The following PDZRN4 variants were observed in gnomAD, a reference collection of about 807,000 sequenced individuals.
PDZRN4 encodes PDZ domain containing ring finger 4.
PDZRN4 carries 70 observed loss-of-function variants against 99.0 expected under a neutral mutation model. The ratio of observed to expected loss-of-function variants is 0.71; its 90% CI spans 0.58 to 0.86. The LOEUF (loss-of-function observed/expected upper bound fraction) is 0.86. Ranked by LOEUF, PDZRN4 falls within the 40% of genes least tolerant of loss-of-function variation. The probability of loss-of-function intolerance (pLI) is 0.00; values close to 1 mark genes in which losing one functional copy is unlikely to be tolerated. For missense variants in PDZRN4, 1,474 were observed against 1,331.2 expected (o/e 1.11, Z -1.67); for synonymous variants, 551 against 501.6 (o/e 1.10, Z -1.32).
intron 3 of PDZRN4, among the ~76,000 whole-genome samples, chr12:41,448,727 A>T (rs1426824073): frequency 1.3e-5 from 2 of 152,174 alleles, no homozygotes; most frequent in African/African-American, 4.8e-5. Context: ...CTTGATTTCG[A>T]AAATGCCACC....
At chr12:41,274,654 G>A (rs141364579) in intron 3 of PDZRN4, among the ~76,000 whole-genome samples, 1 of 152,230 alleles carries the variant, frequency 6.6e-6, no homozygotes, top group Non-Finnish European at 1.5e-5. Flanking sequence ...CCATGGTGGA[G>A]AGCAGATCTC....
At chr12:41,207,501 T>C (rs1950859545) in intron 3 of PDZRN4, among the ~76,000 whole-genome samples, 2 of 151,856 alleles carry the variant, frequency 1.3e-5, no homozygotes, top group African/African-American at 4.8e-5. Context: ...TGTGGGGTCA[T>C]GAACTGCCAA....
intron 3 of PDZRN4, among the ~76,000 whole-genome samples, chr12:41,292,663 G>T (rs1244107874): frequency 1.3e-5 from 2 of 151,272 alleles, no homozygotes; most frequent in Non-Finnish European, 1.5e-5. Flanking sequence ...GGTAGCATGA[G>T]ACTTCTTTTT....
At chr12:41,556,993 A>G (rs1434986692) in intron 7 of PDZRN4, among the ~76,000 whole-genome samples, 1 of 151,958 alleles carries the variant, frequency 6.6e-6, no homozygotes, top group African/African-American at 2.4e-5. Flanking sequence ...CTACTAAACA[A>G]TACAAAAACT....
chr12:41,569,267 A>G (rs1231795876), intron 9 of PDZRN4, among the ~76,000 whole-genome samples: 1 of 152,082 alleles, frequency 6.6e-6, no homozygotes, highest in African/African-American at 2.4e-5. Flanking sequence ...CTATAAGTGC[A>G]CGCCATCATG....
chr12:41,424,330 T>A (rs1273872657), intron 3 of PDZRN4, among the ~76,000 whole-genome samples: 4 of 152,180 alleles, frequency 2.6e-5, no homozygotes, highest in African/African-American at 9.6e-5. Context: ...TATAAAGCTT[T>A]CCTTATGTTG....
intron 3 of PDZRN4, among the ~76,000 whole-genome samples, chr12:41,370,526 A>G (rs888754438): frequency 6.6e-6 from 1 of 151,930 alleles, no homozygotes; most frequent in African/African-American, 2.4e-5. Flanking sequence ...TTACAGTTAT[A>G]CAGCACTATG....
intron 3 of PDZRN4, among the ~76,000 whole-genome samples, chr12:41,212,069 G>A (rs1950892030): frequency 6.6e-6 from 1 of 151,880 alleles, no homozygotes; most frequent in Non-Finnish European, 1.5e-5. Context: ...GTACCTGTCA[G>A]CCTAATGGTG....
intron 7 of PDZRN4, among the ~76,000 whole-genome samples, chr12:41,557,905 C>A (rs1404426851): frequency 6.6e-6 from 1 of 152,098 alleles, no homozygotes; most frequent in Non-Finnish European, 1.5e-5. Context: ...AAGACATAGT[C>A]TTGTTGACCA....
intron 3 of PDZRN4, among the ~76,000 whole-genome samples, chr12:41,293,333 A>G (rs1443268265): frequency 6.6e-6 from 1 of 150,896 alleles, no homozygotes; most frequent in Non-Finnish European, 1.5e-5. Flanking sequence ...GTAGCATCGT[A>G]TCTGCCATAG....
intron 3 of PDZRN4, among the ~76,000 whole-genome samples, chr12:41,306,157 C>A (rs936135129): frequency 1.3e-5 from 2 of 152,176 alleles, no homozygotes; most frequent in Non-Finnish European, 2.9e-5. Context: ...TCCAGGCCCA[C>A]TAGGGTGGCA....
At chr12:41,556,391 T>TAC (rs894183222) in intron 7 of PDZRN4, among the ~76,000 whole-genome samples, 6 of 152,252 alleles carry the variant, frequency 3.9e-5, no homozygotes, top group African/African-American at 1.4e-4. Flanking sequence ...TACAGCCTAC[T>TAC]ACACACACAC....
intron 5 of PDZRN4, among the ~76,000 whole-genome samples, chr12:41,534,396 A>T (rs949456800): frequency 2.0e-5 from 3 of 152,138 alleles, no homozygotes; most frequent in Non-Finnish European, 2.9e-5. Context: ...ATACCTAGGT[A>T]TTAAGCCCAG....
At chr12:41,406,332 T>C (rs1297401380) in intron 3 of PDZRN4, among the ~76,000 whole-genome samples, 1 of 151,998 alleles carries the variant, frequency 6.6e-6, no homozygotes, top group African/African-American at 2.4e-5. Flanking sequence ...TAAAACAGTT[T>C]GGTTGAAAAC....
At chr12:41,535,685 T>G (rs1173591837) in intron 5 of PDZRN4, among the ~76,000 whole-genome samples, 1 of 152,122 alleles carries the variant, frequency 6.6e-6, no homozygotes, top group Non-Finnish European at 1.5e-5. Flanking sequence ...GCTCTTACCA[T>G]GGGAGTGGGT....
At chr12:41,524,902 G>A (rs1938546319) in intron 5 of PDZRN4, among the ~76,000 whole-genome samples, 1 of 152,120 alleles carries the variant, frequency 6.6e-6, no homozygotes. Context: ...GAAGGGAAGA[G>A]AAGCCAGTGA....
rs1394672079 is a variant in PDZRN4 at position 41,563,547 on chromosome 12, G to T, written c.1366-1G>T. 2 of 1,609,312 alleles carry T rather than the reference G, an allele frequency of 1.2e-6. No individual in the cohort carries two copies. Among genetic ancestry groups the T allele is most frequent in the Non-Finnish European group, 1.7e-6 (2 of 1,175,934 alleles). ...ATGTGCCACTCTCATTTGTTTTCTA[G>T]ATAAATGGGGAAGATGTCCAGAATC... On this transcript the variant is annotated splice_acceptor_variant, in intron 7 of 9. Transcript: ENST00000402685. LOFTEE classifies it high-confidence loss of function.
At position 41,271,836 on chromosome 12, in the gene PDZRN4, C is replaced by T. The variant is rs1046616599; in HGVS notation, c.843+77648C>T. On this transcript the variant is annotated intron_variant, in intron 3 of 9. Transcript: ENST00000402685. ...TACAATTGCATTGAAAACAAATACACTCCCCTCAGAGGACTTTGTGGTTAT... is the reference window on the plus strand; with the variant it reads ...TACAATTGCATTGAAAACAAATACATTCCCCTCAGAGGACTTTGTGGTTAT... Among the ~76,000 whole-genome samples the T allele has an allele frequency of 5.5e-4, 83 of 152,060 alleles. 3 individuals are homozygous for T.
intron 5 of PDZRN4, among the ~76,000 whole-genome samples, chr12:41,520,285 G>A (rs1291775121): frequency 6.6e-6 from 1 of 151,948 alleles, no homozygotes; most frequent in East Asian, 1.9e-4. Flanking sequence ...TGCCTTATGT[G>A]CCATTATTGT....
Sources: gnomAD v4.1 joint callset for allele counts (sites outside exome capture counted in the v4.1 genomes callset) on GRCh38, gnomAD v4.1.1 for gene constraint, MANE v1.5 for transcripts, NCBI Gene and HGNC (gene_info 2026-07-23, HGNC 2026-07-21) for gene names.